Variants in DNAJC5B observed in about 807,000 individuals in gnomAD.
DNAJC5B encodes the protein dnaJ homolog subfamily C member 5B.
A neutral mutation model predicts 24.7 loss-of-function variants in DNAJC5B; 23 were observed. The ratio of observed to expected loss-of-function variants is 0.93; its 90% CI spans 0.67 to 1.32. DNAJC5B has a LOEUF of 1.32. Ranked by LOEUF, DNAJC5B falls within the 40% of genes most tolerant of loss-of-function variation. DNAJC5B has a pLI of 0.00. For missense variants in DNAJC5B, 238 were observed against 240.8 expected (o/e 0.99, Z 0.08); for synonymous variants, 101 against 90.1 (o/e 1.12, Z -0.68).
chr8:66,065,547 GC>G (rs2128961964), intron 3 of DNAJC5B, among the ~76,000 whole-genome samples: 2 of 152,334 alleles, frequency 1.3e-5, no homozygotes, highest in East Asian at 3.9e-4. Context: ...GAGTCCCTAA[GC>G]CCTGCTAGCA....
At chr8:66,069,331 AT>A (rs1807295020) in intron 3 of DNAJC5B, among the ~76,000 whole-genome samples, 2 of 152,130 alleles carry the variant, frequency 1.3e-5, no homozygotes, top group African/African-American at 2.4e-5. Context: ...CATATCTAAT[AT>A]TTAAGAATAC....
chr8:66,076,934 T>C (rs1807481252), intron 4 of DNAJC5B, 61 bp downstream of exon 4: 3 of 1,559,840 alleles, frequency 1.9e-6, no homozygotes, highest in African/African-American at 1.4e-5. Context: ...ATCACTCTTT[T>C]AGATTCCATC....
the DNAJC5B span, among the ~76,000 whole-genome samples, chr8:66,016,302 G>A: frequency 6.6e-6 from 1 of 152,198 alleles, no homozygotes; most frequent in Non-Finnish European, 1.5e-5. Flanking sequence ...TTGTGGGAGG[G>A]ATCCGGTGGG....
chr8:66,044,564 C>T (rs1043627445), intron 2 of DNAJC5B, among the ~76,000 whole-genome samples: 1 of 152,142 alleles, frequency 6.6e-6, no homozygotes, highest in East Asian at 1.9e-4. Context: ...TTTTTGTTAA[C>T]TTTGAGTCAG....
chr8:66,080,363 C>G lies in DNAJC5B; in HGVS notation c.334-14C>G. On this transcript the variant is annotated splice_polypyrimidine_tract_variant and intron_variant, in intron 4 of 5. Transcript: ENST00000276570. The stretch of plus-strand genomic sequence containing the variant: ...ACCCCTCATCCTCATTTTGCTTTAC[C>G]TCTGTTTCCCTAGGCCCTGTTTGTC... 9 of 1,606,450 alleles carry G rather than the reference C, an allele frequency of 5.6e-6. No individual in the cohort carries two copies. Among genetic ancestry groups the G allele is most frequent in the Non-Finnish European group, 6.8e-6 (8 of 1,176,400 alleles).
chr8:66,033,819 T>C lies in DNAJC5B; in HGVS notation c.-141-9669T>C, dbSNP rs910089721. Reference sequence around the variant, plus strand: ...GGTAGCATAAAGGGTAAATAAACTTTAGATGCCTTGAGAGCAATTGAATCA... The same window carrying C: ...GGTAGCATAAAGGGTAAATAAACTTCAGATGCCTTGAGAGCAATTGAATCA... On this transcript the variant is annotated intron_variant, in intron 1 of 5. Coordinates refer to ENST00000276570, the MANE Select transcript of DNAJC5B (RefSeq NM_033105.6). 3.5e-4 allele frequency among the ~76,000 whole-genome samples: 53 copies of C among 149,616 alleles called. 1 individual carries two copies. The highest frequency in any genetic ancestry group is 1.6e-4 in the Non-Finnish European group (11 of 67,736).
intron 1 of DNAJC5B, among the ~76,000 whole-genome samples, chr8:66,036,049 G>A (rs1415888026): frequency 1.3e-5 from 2 of 152,172 alleles, no homozygotes; most frequent in Non-Finnish European, 2.9e-5. Flanking sequence ...CGTGATGCAG[G>A]GAGAACTTTT....
chr8:66,067,216 C>A (rs1205411000), intron 3 of DNAJC5B, among the ~76,000 whole-genome samples: 1 of 150,190 alleles, frequency 6.7e-6, no homozygotes, highest in African/African-American at 2.5e-5. Context: ...CCCACCCCCA[C>A]ATATTTTAAA....
chr8:66,029,091 T>C (rs1806307160), intron 1 of DNAJC5B, among the ~76,000 whole-genome samples: 1 of 152,240 alleles, frequency 6.6e-6, no homozygotes, highest in Non-Finnish European at 1.5e-5. Context: ...ATAGTTGAAC[T>C]CCTAATCCGG....
chr8:66,036,986 C>T (rs1453465507), intron 1 of DNAJC5B, among the ~76,000 whole-genome samples: 2 of 152,188 alleles, frequency 1.3e-5, no homozygotes, highest in Non-Finnish European at 1.5e-5. Flanking sequence ...AACTGTGTCC[C>T]AGGCCAGAGC....
chr8:66,026,394 A>C (rs1218846593), intron 1 of DNAJC5B, among the ~76,000 whole-genome samples: 1 of 152,264 alleles, frequency 6.6e-6, no homozygotes, highest in South Asian at 2.1e-4. Flanking sequence ...AGGTATGCCA[A>C]GCAAACTTTT....
At chr8:66,077,315 C>A (rs1807488958) in intron 4 of DNAJC5B, among the ~76,000 whole-genome samples, 2 of 152,016 alleles carry the variant, frequency 1.3e-5, no homozygotes, top group Admixed American at 1.3e-4. Flanking sequence ...TCACTTGGAG[C>A]CTGCTGTGAG....
chr8:66,079,445 T>G (rs1338804226), intron 4 of DNAJC5B, among the ~76,000 whole-genome samples: 1 of 152,166 alleles, frequency 6.6e-6, no homozygotes, highest in Admixed American at 6.5e-5. Context: ...GTCATTGTTT[T>G]GGGCAGGATC....
chr8:66,067,793 A>G (rs998481599), intron 3 of DNAJC5B, among the ~76,000 whole-genome samples: 5 of 152,178 alleles, frequency 3.3e-5, no homozygotes, highest in Admixed American at 6.6e-5. Flanking sequence ...TTGGGAGCAT[A>G]TCTATCAGCT....
intron 5 of DNAJC5B, among the ~76,000 whole-genome samples, chr8:66,098,650 T>A (rs1183944603): frequency 6.6e-6 from 1 of 152,078 alleles, no homozygotes; most frequent in Admixed American, 6.5e-5. Context: ...ATTCTATCCA[T>A]CATGTCCTTT....
rs1473472443 is a variant in DNAJC5B, at chr8:66,100,057, T to G, written c.*26T>G. Reference sequence around the variant, plus strand: ...TATTGAGCCCTCAGAGAGTCCACAGTCCCTCCTCTCAGTTCAGTCTTGTCT... The same window carrying G: ...TATTGAGCCCTCAGAGAGTCCACAGGCCCTCCTCTCAGTTCAGTCTTGTCT... On this transcript the variant is annotated 3_prime_UTR_variant, in exon 6 of 6. Transcript: ENST00000276570. 3 of 1,600,514 alleles carry G rather than the reference T, an allele frequency of 1.9e-6. No homozygotes were observed. The highest frequency in any genetic ancestry group is 2.6e-6 in the Non-Finnish European group (3 of 1,169,000).
At chr8:66,074,127 T>A (rs1453104775) in intron 3 of DNAJC5B, among the ~76,000 whole-genome samples, 1 of 152,200 alleles carries the variant, frequency 6.6e-6, no homozygotes, top group Non-Finnish European at 1.5e-5. Flanking sequence ...AGGACTAACA[T>A]GCACTTAGAG....
chr8:66,066,771 C>T (rs1012772544), intron 3 of DNAJC5B, among the ~76,000 whole-genome samples: 3 of 152,142 alleles, frequency 2.0e-5, no homozygotes, highest in East Asian at 3.8e-4. Flanking sequence ...ATGTATACTA[C>T]TCAGGTGTTG....
intron 1 of DNAJC5B, among the ~76,000 whole-genome samples, chr8:66,037,366 T>G (rs1483965316): frequency 6.6e-6 from 1 of 152,130 alleles, no homozygotes; most frequent in Non-Finnish European, 1.5e-5. Flanking sequence ...AGAGGCTTCG[T>G]GGGTGCTGGG....
Sources: allele counts gnomAD v4.1 joint callset (sites outside exome capture counted in the v4.1 genomes callset), GRCh38; gene constraint gnomAD v4.1.1; transcripts MANE v1.5; gene names NCBI Gene and HGNC (gene_info 2026-07-23, HGNC 2026-07-21).